The following PPARA variants were observed in gnomAD, a reference collection of about 807,000 sequenced individuals.
PPARA encodes the protein peroxisome proliferator-activated receptor alpha.
A neutral mutation model predicts 42.2 loss-of-function variants in PPARA; 22 were observed. That is an observed-to-expected ratio of 0.52 (90% CI 0.37 to 0.74). The LOEUF (loss-of-function observed/expected upper bound fraction) is 0.74, where lower values mean the gene tolerates loss of function less well. PPARA is among the 30% of genes least tolerant of loss of function. PPARA has a pLI of 0.00. For missense variants in PPARA, 465 were observed against 608.2 expected (o/e 0.76, Z 2.48); for synonymous variants, 242 against 239.3 (o/e 1.01, Z -0.10).
intron 3 of PPARA, among the ~76,000 whole-genome samples, chr22:46,181,546 A>C (rs1241719640): frequency 6.6e-6 from 1 of 152,132 alleles, no homozygotes; most frequent in African/African-American, 2.4e-5. Context: ...CATGTTAAAG[A>C]ATTTTAAGAA....
At chr22:46,166,434 A>G (rs890886431) in intron 2 of PPARA, among the ~76,000 whole-genome samples, 2 of 152,068 alleles carry the variant, frequency 1.3e-5, no homozygotes, top group Non-Finnish European at 2.9e-5. Context: ...CCTGGCCAAC[A>G]TGGTGAAACC....
chr22:46,231,941 C>T lies in PPARA; in HGVS notation c.861C>T (p.Leu287=), dbSNP rs747311682. Residue 287 remains leucine, a synonymous_variant, in exon 8 of 9, where the codon CTC becomes CTT. Transcript: ENST00000407236. This position sits in a 1 kb window ranked among gnomAD's most constrained non-coding sequence, Gnocchi z 7.7. ...QCTSVETVTE[L]TEFAKAIPGF... is the part of the protein sequence containing the mutation. ...CGTCAGTGGAGACCGTCACGGAGCT[C>T]ACGGAATTCGCCAAGGCCATCCCAG... 1.9e-6 allele frequency: 3 copies of T among 1,614,102 alleles called. No individual in the cohort carries two copies. In the South Asian group the frequency reaches 3.3e-5, roughly 18 times the overall value.
chr22:46,202,108 T>C (rs942562578), intron 4 of PPARA, among the ~76,000 whole-genome samples: 4 of 152,074 alleles, frequency 2.6e-5, no homozygotes, highest in African/African-American at 9.7e-5. Context: ...GCTCTAGCTC[T>C]GGAAAGTTCT....
intron 4 of PPARA, 50 bp downstream of exon 4, chr22:46,198,641 C>T (rs547641497): frequency 1.4e-6 from 2 of 1,392,916 alleles, no homozygotes; most frequent in Non-Finnish European, 2.0e-6. Context: ...TTTCTTCCTC[C>T]AAGAAAACTG....
intron 4 of PPARA, among the ~76,000 whole-genome samples, chr22:46,209,600 C>G (rs1310030883): frequency 6.6e-6 from 1 of 152,080 alleles, no homozygotes; most frequent in East Asian, 1.9e-4. Flanking sequence ...TGCTCCTAAT[C>G]CTATCCAGTG....
intron 7 of PPARA, among the ~76,000 whole-genome samples, chr22:46,223,890 C>T (rs1456522287): frequency 1.3e-5 from 2 of 148,440 alleles, no homozygotes; most frequent in Non-Finnish European, 3.0e-5. Context: ...GTGGAGGTTG[C>T]AGGGAGCCGA....
intron 2 of PPARA, among the ~76,000 whole-genome samples, chr22:46,158,897 C>T (rs761704386): frequency 9.2e-5 from 14 of 151,518 alleles, no homozygotes; most frequent in Non-Finnish European, 1.5e-4. Flanking sequence ...TTTTTTTTGT[C>T]GGGGGTGTTG....
chr22:46,156,056 C>G lies in PPARA; in HGVS notation c.-127+4086C>G, dbSNP rs1462351630. On this transcript the variant is annotated intron_variant, in intron 2 of 8. Transcript: ENST00000407236. This position sits in a 1 kb window ranked among gnomAD's most constrained non-coding sequence, Gnocchi z 5.2. ...ATGCATTTGAAAAGAAAAGAACTTA[C>G]TCCTTGCCAGGTCTCAACCTATCAT... The G allele has an allele frequency of 2.0e-5, 3 of 152,238 alleles. No homozygotes were observed. Among genetic ancestry groups the G allele is most frequent in the Non-Finnish European group, 1.5e-5 (1 of 68,052 alleles). 9.4% of individuals were successfully genotyped at this position (152,238 alleles called of 1,614,324 possible). A position where few individuals can be genotyped will look rare whatever the true frequency, so the allele number is the denominator to read the frequency against.
At position 46,233,472 on chromosome 22, in the gene PPARA, G is replaced by A. The variant is rs1157289166; in HGVS notation, c.1159+1233G>A. Among the ~76,000 whole-genome samples, 6 of 152,198 alleles carry A rather than the reference G, an allele frequency of 3.9e-5. No homozygotes were observed. In the East Asian group the frequency reaches 7.7e-4, roughly 20 times the overall value. On this transcript the variant is annotated intron_variant, in intron 8 of 8. Coordinates refer to ENST00000407236, the MANE Select transcript of PPARA (RefSeq NM_005036.6). The surrounding 1 kb of genome is among the most constrained non-coding windows in gnomAD (Gnocchi z 7.3). ...CCCACACTGCCTGCAGCCATACTGC[G>A]CCTGGGGGATTGACTCACTGTCAGC...
At chr22:46,185,851 C>T (rs1241059355) in intron 3 of PPARA, among the ~76,000 whole-genome samples, 12 of 133,286 alleles carry the variant, frequency 9.0e-5, no homozygotes, top group Admixed American at 2.4e-4. Context: ...GCCAAGATCA[C>T]GCCACTACAC....
chr22:46,226,250 CACTT>C lies in PPARA; in HGVS notation c.712-5538_712-5535del, dbSNP rs539948834. On this transcript the variant is annotated intron_variant, in intron 7 of 8. Transcript: ENST00000407236. ...ACGTGCACACACATGCTCACACACACACTTACTGTTGCTCAGGCTTAGCTGCTTT... is the reference window on the plus strand; with the variant it reads ...ACGTGCACACACATGCTCACACACACACTGTTGCTCAGGCTTAGCTGCTTT... Among the ~76,000 whole-genome samples the C allele has an allele frequency of 1.9e-3, 283 of 152,362 alleles. 2 individuals are homozygous for C. Among genetic ancestry groups the C allele is most frequent in the Admixed American group, 1.9e-3 (29 of 15,300 alleles).
rs1037991884 is a variant in PPARA, at chr22:46,225,578, C to T, written c.711+5564C>T. ...ACATACACGTGCACCCACATGCATG[C>T]TCACACACATGCACCCACAGTCACA... On this transcript the variant is annotated intron_variant, in intron 7 of 8. Transcript: ENST00000407236. The surrounding 1 kb of genome is among the most constrained non-coding windows in gnomAD (Gnocchi z 4.1). 4.6e-5 allele frequency among the ~76,000 whole-genome samples: 7 copies of T among 151,962 alleles called. No individual in the cohort carries two copies. Among genetic ancestry groups the T allele is most frequent in the Admixed American group, 4.6e-4 (7 of 15,274 alleles).
chr22:46,167,174 G>T lies in PPARA; in HGVS notation c.-126-9579G>T, dbSNP rs1927197032. Among the ~76,000 whole-genome samples the T allele has an allele frequency of 6.6e-6, 1 of 151,890 alleles. No individual in the cohort carries two copies. The highest frequency in any genetic ancestry group is 2.4e-5 in the African/African-American group (1 of 41,392). On this transcript the variant is annotated intron_variant, in intron 2 of 8. Coordinates refer to ENST00000407236, the MANE Select transcript of PPARA (RefSeq NM_005036.6). This position sits in a 1 kb window ranked among gnomAD's most constrained non-coding sequence, Gnocchi z 4.1. ...CAAATGATACCGGAACAACTGGATA[G>T]CCATATGCAAAAGAACCTCAACCTT...
intron 4 of PPARA, among the ~76,000 whole-genome samples, chr22:46,207,904 C>T (rs1016592412): frequency 5.3e-5 from 8 of 151,242 alleles, no homozygotes; most frequent in East Asian, 1.9e-4. Context: ...AGGCTCCTCT[C>T]GAACTCCTGG....
intron 4 of PPARA, among the ~76,000 whole-genome samples, chr22:46,206,038 G>C (rs1355301049): frequency 1.3e-5 from 2 of 151,918 alleles, no homozygotes; most frequent in Non-Finnish European, 2.9e-5. Context: ...GTACATCTTT[G>C]TTTTGTTCCC....
chr22:46,232,331 C>A lies in PPARA; in HGVS notation c.1159+92C>A. 7.5e-7 allele frequency: 1 copy of A among 1,332,772 alleles called. No homozygotes were observed. Among genetic ancestry groups the A allele is most frequent in the Non-Finnish European group, 1.1e-6 (1 of 928,552 alleles). The allele number at this position is 1,332,772 out of a possible 1,614,324, so 82.6% of individuals were successfully genotyped here. A position where few individuals can be genotyped will look rare whatever the true frequency, so the allele number is the denominator to read the frequency against. On this transcript the variant is annotated intron_variant, in intron 8 of 8. Coordinates refer to ENST00000407236, the MANE Select transcript of PPARA (RefSeq NM_005036.6). This position sits in a 1 kb window ranked among gnomAD's most constrained non-coding sequence, Gnocchi z 5.3. ...ATGGGAAATCCAGTACCAGCCTGAG[C>A]TGTTCCAGTGGAGGGGACACTCACA...
intron 3 of PPARA, among the ~76,000 whole-genome samples, chr22:46,179,497 C>T (rs1001788304): frequency 2.6e-5 from 4 of 152,240 alleles, no homozygotes; most frequent in Non-Finnish European, 5.9e-5. Flanking sequence ...GGTGCTGGTG[C>T]AATGGTTATC....
chr22:46,199,997 A>G (rs1248497845), intron 4 of PPARA, among the ~76,000 whole-genome samples: 2 of 152,222 alleles, frequency 1.3e-5, no homozygotes, highest in Non-Finnish European at 2.9e-5. Context: ...TGCAGGGATC[A>G]CAGGCATGAG....
In PPARA at chr22:46,233,195, A is replaced by G. The variant is rs1936003061; in HGVS notation, c.1159+956A>G. Among the ~76,000 whole-genome samples the G allele has an allele frequency of 6.6e-6, 1 of 152,170 alleles. No individual in the cohort carries two copies. The highest frequency in any genetic ancestry group is 1.5e-5 in the Non-Finnish European group (1 of 68,042). Reference sequence around the variant, plus strand: ...ACAGTTGGTTATGTTGATGAAAAGTATATTTCCTAATGCAAAATATAATAT... The same window carrying G: ...ACAGTTGGTTATGTTGATGAAAAGTGTATTTCCTAATGCAAAATATAATAT... On this transcript the variant is annotated intron_variant, in intron 8 of 8. Transcript: ENST00000407236. This position sits in a 1 kb window ranked among gnomAD's most constrained non-coding sequence, Gnocchi z 7.3.
Sources: gnomAD v4.1 joint callset for allele counts (sites outside exome capture counted in the v4.1 genomes callset) on GRCh38, gnomAD v4.1.1 for gene constraint, Gnocchi (gnomAD v3.1) non-coding constraint, MANE v1.5 for transcripts, NCBI Gene and HGNC (gene_info 2026-07-23, HGNC 2026-07-21) for gene names.